Variants in CPED1 observed in about 807,000 individuals in gnomAD.
The protein encoded by CPED1 is cadherin like and PC-esterase domain containing 1, also known as cadherin-like and PC-esterase domain-containing protein 1.
Under a neutral mutation model 128.2 loss-of-function variants are expected in CPED1, and 114 were observed. That is an observed-to-expected ratio of 0.89 (90% confidence interval 0.76 to 1.04). The LOEUF (loss-of-function observed/expected upper bound fraction) is 1.04. Ranked by LOEUF, CPED1 falls within the 50% of genes least tolerant of loss-of-function variation. The pLI is 0.00. For synonymous variants in CPED1, 462 were observed against 426.7 expected (o/e 1.08, Z -1.02); for missense variants, 1,211 against 1,207.1 (o/e 1.00, Z -0.05).
At position 121,180,233 on chromosome 7, in the gene CPED1, G is replaced by A. The variant is rs193006579; in HGVS notation, c.2055+38092G>A. Among the ~76,000 whole-genome samples, 950 of 152,146 alleles carry A rather than the reference G, an allele frequency of 6.2e-3. 2 individuals are homozygous for A. The highest frequency in any genetic ancestry group is 8.9e-3 in the Non-Finnish European group (607 of 67,964). On this transcript the variant is annotated intron_variant, in intron 16 of 22. Coordinates refer to ENST00000310396, the MANE Select transcript of CPED1 (RefSeq NM_024913.5). ...AGTGACTCATTATATTTTCATGTGA[G>A]TAGATTATCGCACTGCAGGAGAGAC...
chr7:120,990,145 G>A (rs1370502067), intron 2 of CPED1, among the ~76,000 whole-genome samples: 10 of 152,150 alleles, frequency 6.6e-5, no homozygotes, highest in African/African-American at 1.7e-4. Context: ...ATAAAATGAT[G>A]TGGATTCTTT....
rs190400097 is a variant in CPED1 at position 121,203,899 on chromosome 7, C to T, written c.2056-32815C>T. Among the ~76,000 whole-genome samples, 110 of 152,136 alleles carry T rather than the reference C, an allele frequency of 7.2e-4. 1 individual carries two copies. The highest frequency in any genetic ancestry group is 3.4e-3 in the Middle Eastern group (1 of 294). On this transcript the variant is annotated intron_variant, in intron 16 of 22. Coordinates refer to ENST00000310396, the MANE Select transcript of CPED1 (RefSeq NM_024913.5). ...GTTGCGTGTCACATGGCAGGGTTGG[C>T]TCTAGGTCTTGGGGCTGTCCACGCA...
intron 16 of CPED1, among the ~76,000 whole-genome samples, chr7:121,166,588 T>C (rs1361620363): frequency 6.6e-6 from 1 of 152,196 alleles, no homozygotes; most frequent in Non-Finnish European, 1.5e-5. Context: ...TGTATGAGCC[T>C]GTATTGTAAA....
At chr7:121,033,190 G>A (rs2116864505) in intron 3 of CPED1, among the ~76,000 whole-genome samples, 2 of 152,312 alleles carry the variant, frequency 1.3e-5, no homozygotes, top group African/African-American at 4.8e-5. Flanking sequence ...AACCACTGCT[G>A]AGTGTCTGTC....
chr7:121,197,837 G>A (rs886943920), intron 16 of CPED1, among the ~76,000 whole-genome samples: 2 of 152,110 alleles, frequency 1.3e-5, no homozygotes, highest in Admixed American at 1.3e-4. Flanking sequence ...AGCAAAGCAA[G>A]CTGTCCAAAT....
chr7:121,017,187 C>A (rs964233708), intron 3 of CPED1, among the ~76,000 whole-genome samples: 1 of 152,120 alleles, frequency 6.6e-6, no homozygotes, highest in African/African-American at 2.4e-5. Flanking sequence ...GGGACACAGG[C>A]ATTTGTTTAT....
intron 16 of CPED1, among the ~76,000 whole-genome samples, chr7:121,164,955 CA>C (rs1238945863): frequency 7.2e-5 from 11 of 152,272 alleles, no homozygotes; most frequent in Non-Finnish European, 1.3e-4. Flanking sequence ...TTCATTTTCT[CA>C]ACTTTTCTGA....
At chr7:121,067,056 G>C (rs1302425309) in intron 5 of CPED1, among the ~76,000 whole-genome samples, 2 of 151,984 alleles carry the variant, frequency 1.3e-5, no homozygotes, top group African/African-American at 4.8e-5. Flanking sequence ...CCATGGCTGG[G>C]GGGCACAGGG....
intron 16 of CPED1, among the ~76,000 whole-genome samples, chr7:121,143,759 G>A (rs897486121): frequency 6.6e-6 from 1 of 151,916 alleles, no homozygotes; most frequent in Admixed American, 6.6e-5. Context: ...AACTTTGGCA[G>A]TATCCACTAA....
At chr7:121,064,211 C>G (rs750288202) in intron 4 of CPED1, 27 bp from the exon 5 acceptor site, 3 of 1,490,914 alleles carry the variant, frequency 2.0e-6, no homozygotes, top group Non-Finnish European at 2.8e-6. Flanking sequence ...ATGCCTCACT[C>G]ACTAGAATCT....
intron 18 of CPED1, among the ~76,000 whole-genome samples, chr7:121,253,804 C>A (rs4403351): frequency 0.42 from 63,090 of 151,706 alleles, 13,558 homozygotes; most frequent in Middle Eastern, 0.52. Flanking sequence ...TAAACCAATA[C>A]AAATTAAGAA....
intron 16 of CPED1, among the ~76,000 whole-genome samples, chr7:121,150,220 T>G (rs1796125638): frequency 6.6e-6 from 1 of 150,436 alleles, no homozygotes; most frequent in Admixed American, 6.7e-5. Context: ...TTCTCCCCCA[T>G]CTAGTATTGT....
At chr7:121,277,075 A>G (rs113594379) in intron 22 of CPED1, among the ~76,000 whole-genome samples, 1,771 of 151,930 alleles carry the variant, frequency 0.012, 33 homozygotes, top group African/African-American at 0.041. Flanking sequence ...GAGAGTATAA[A>G]AGAGAAGTGT....
chr7:121,068,537 G>A (rs1793911500), intron 5 of CPED1, among the ~76,000 whole-genome samples: 1 of 152,038 alleles, frequency 6.6e-6, no homozygotes, highest in African/African-American at 2.4e-5. Flanking sequence ...ATAGTTTGAA[G>A]TAAGGTAGTG....
intron 2 of CPED1, among the ~76,000 whole-genome samples, chr7:120,991,469 G>A (rs896858706): frequency 1.3e-5 from 2 of 152,186 alleles, no homozygotes; most frequent in African/African-American, 4.8e-5. Flanking sequence ...TCAACATTGA[G>A]AAAGGCAATT....
chr7:121,179,201 A>T (rs138073606), intron 16 of CPED1, among the ~76,000 whole-genome samples: 217 of 152,228 alleles, frequency 1.4e-3, no homozygotes, highest in African/African-American at 4.7e-3. Context: ...TAGAGACCTT[A>T]AGATGAACTG....
At chr7:121,139,810 C>T (rs1487380302) in intron 14 of CPED1, among the ~76,000 whole-genome samples, 31 of 152,022 alleles carry the variant, frequency 2.0e-4, no homozygotes, top group Admixed American at 2.0e-3. Context: ...TTATAGCTTT[C>T]TGTAGCAAAT....
At chr7:121,132,348 G>A (rs1429486753) in intron 12 of CPED1, among the ~76,000 whole-genome samples, 1 of 151,962 alleles carries the variant, frequency 6.6e-6, no homozygotes, top group Non-Finnish European at 1.5e-5. Flanking sequence ...ACGCAGACAG[G>A]GAGGCCATCA....
chr7:121,041,878 T>G (rs956687028), intron 3 of CPED1, among the ~76,000 whole-genome samples: 6 of 152,178 alleles, frequency 3.9e-5, no homozygotes, highest in Non-Finnish European at 8.8e-5. Context: ...CTTCCAAAAT[T>G]GTCTGAGAAG....
Sources: allele counts gnomAD v4.1 joint callset (sites outside exome capture counted in the v4.1 genomes callset), GRCh38; gene constraint gnomAD v4.1.1; transcripts MANE v1.5; gene names NCBI Gene and HGNC (gene_info 2026-07-23, HGNC 2026-07-21).